KCNMB2: variants seen among roughly 807,000 people sequenced by gnomAD.
The protein encoded by KCNMB2 is potassium calcium-activated channel subfamily M regulatory beta subunit 2.
KCNMB2 carries 9 observed loss-of-function variants against 24.5 expected under a neutral mutation model. The ratio of observed to expected loss-of-function variants is 0.37; its 90% CI spans 0.22 to 0.64. KCNMB2 has a LOEUF of 0.64. Among genes scored for constraint, KCNMB2 ranks in the 30% least tolerant of loss-of-function variants. KCNMB2 has a pLI of 0.63. For missense variants in KCNMB2, 226 were observed against 284.3 expected (o/e 0.79, Z 1.47); for synonymous variants, 109 against 104.4 (o/e 1.04, Z -0.27).
At chr3:178,578,055 C>T (rs112838009) in intron 1 of KCNMB2, among the ~76,000 whole-genome samples, 3,922 of 152,230 alleles carry the variant, frequency 0.026, 169 homozygotes, top group African/African-American at 0.088. Context: ...TTGAGAAGAG[C>T]AACCCCAAGA....
intron 1 of KCNMB2, among the ~76,000 whole-genome samples, chr3:178,754,832 C>A (rs536462402): frequency 1.3e-4 from 20 of 152,316 alleles, no homozygotes; most frequent in Admixed American, 1.2e-3. Context: ...ATGGCATAGA[C>A]CCTGCAGCTT....
At chr3:178,825,391 C>T (rs572036409) in intron 2 of KCNMB2, among the ~76,000 whole-genome samples, 197 bp from the exon 3 acceptor site, 1 of 152,188 alleles carries the variant, frequency 6.6e-6, no homozygotes, top group African/African-American at 2.4e-5. Flanking sequence ...GGTACACATA[C>T]AAGCGTGCAT....
chr3:178,756,419 A>G (rs942559229), intron 1 of KCNMB2, among the ~76,000 whole-genome samples: 2 of 152,192 alleles, frequency 1.3e-5, no homozygotes, highest in Non-Finnish European at 2.9e-5. Flanking sequence ...TCTGTCAACC[A>G]ATCAAAACAA....
intron 1 of KCNMB2, among the ~76,000 whole-genome samples, chr3:178,770,452 T>C (rs1712301287): frequency 1.3e-5 from 2 of 152,314 alleles, no homozygotes; most frequent in South Asian, 2.1e-4. Context: ...GAACAGAAGA[T>C]GAGGACCAAG....
chr3:178,544,330 T>C (rs2108448923), intron 1 of KCNMB2, among the ~76,000 whole-genome samples: 1 of 152,278 alleles, frequency 6.6e-6, no homozygotes, highest in African/African-American at 2.4e-5. Context: ...TCAGAATGTT[T>C]CTCTCTCCCT....
intron 1 of KCNMB2, among the ~76,000 whole-genome samples, chr3:178,602,785 G>A (rs12496935): frequency 0.12 from 17,944 of 152,124 alleles, 1,211 homozygotes; most frequent in Middle Eastern, 0.24. Context: ...CAAAGCCATC[G>A]GGAGGGTAGG....
At chr3:178,716,986 A>G (rs1722638801) in intron 1 of KCNMB2, among the ~76,000 whole-genome samples, 2 of 152,026 alleles carry the variant, frequency 1.3e-5, no homozygotes, top group South Asian at 4.2e-4. Context: ...CCTTTTTGGA[A>G]TAAGTTAAAT....
intron 1 of KCNMB2, among the ~76,000 whole-genome samples, chr3:178,676,337 G>C (rs1279541200): frequency 6.6e-6 from 1 of 152,190 alleles, no homozygotes; most frequent in Non-Finnish European, 1.5e-5. Context: ...ATCCTTGGCA[G>C]ACAGAGAGGT....
intron 4 of KCNMB2, 134 bp from the exon 5 acceptor site, chr3:178,842,519 C>T (rs1057265720): frequency 1.8e-5 from 11 of 615,432 alleles, no homozygotes; most frequent in Non-Finnish European, 3.1e-5. Context: ...TCCAAAGGCA[C>T]CAGTTTGAAT....
chr3:178,780,735 C>T (rs1304592786), intron 1 of KCNMB2, among the ~76,000 whole-genome samples: 1 of 152,156 alleles, frequency 6.6e-6, no homozygotes, highest in Non-Finnish European at 1.5e-5. Flanking sequence ...AATTACTTAA[C>T]CTCCCTAAGC....
intron 1 of KCNMB2, among the ~76,000 whole-genome samples, chr3:178,657,993 A>C (rs915038393): frequency 5.3e-5 from 8 of 152,338 alleles, no homozygotes; most frequent in African/African-American, 1.9e-4. Flanking sequence ...TCAAGTGTCA[A>C]CACAAGTTTT....
At chr3:178,835,008 T>C (rs915600442) in intron 4 of KCNMB2, among the ~76,000 whole-genome samples, 5 of 151,932 alleles carry the variant, frequency 3.3e-5, no homozygotes, top group East Asian at 1.9e-4. Context: ...TTAGGACTAA[T>C]TGGATACATC....
intron 1 of KCNMB2, among the ~76,000 whole-genome samples, chr3:178,625,438 G>A (rs894312863): frequency 6.6e-6 from 1 of 152,212 alleles, no homozygotes; most frequent in African/African-American, 2.4e-5. Context: ...AGGCCCAGCC[G>A]CTTGCCAAGT....
chr3:178,691,621 T>C (rs1173506317), intron 1 of KCNMB2, among the ~76,000 whole-genome samples: 14 of 152,236 alleles, frequency 9.2e-5, no homozygotes, highest in Non-Finnish European at 2.9e-5. Flanking sequence ...TATTCCATAG[T>C]GTGTATGTAC....
intron 1 of KCNMB2, among the ~76,000 whole-genome samples, chr3:178,552,496 A>G (rs918474391): frequency 1.3e-5 from 2 of 152,166 alleles, no homozygotes; most frequent in South Asian, 2.1e-4. Context: ...AATTTCCATA[A>G]CTGTATATCA....
chr3:178,804,445 T>G (rs1486809761), intron 1 of KCNMB2, among the ~76,000 whole-genome samples: 2 of 152,198 alleles, frequency 1.3e-5, no homozygotes, highest in African/African-American at 4.8e-5. Flanking sequence ...AAATAATGGT[T>G]TGTCTTTATG....
chr3:178,764,292 C>T lies in KCNMB2; in HGVS notation c.-67-43051C>T, dbSNP rs758416343. Among the ~76,000 whole-genome samples the T allele has an allele frequency of 7.0e-4, 106 of 152,278 alleles. 1 individual carries two copies. Among genetic ancestry groups the T allele is most frequent in the Non-Finnish European group, 1.4e-3 (95 of 68,008 alleles). On this transcript the variant is annotated intron_variant, in intron 1 of 4. Coordinates refer to ENST00000452583, the MANE Select transcript of KCNMB2 (RefSeq NM_181361.3). ...AAAAGCAGAAATTCTTAATACCATACCATTACAACATATTACATTCATGCA... is the reference window on the plus strand; with the variant it reads ...AAAAGCAGAAATTCTTAATACCATATCATTACAACATATTACATTCATGCA...
At chr3:178,759,232 GAGAT>G (rs1401476750) in intron 1 of KCNMB2, among the ~76,000 whole-genome samples, 2 of 111,614 alleles carry the variant, frequency 1.8e-5, no homozygotes, top group Non-Finnish European at 3.6e-5. Flanking sequence ...TCTCCAAGAG[GAGAT>G]AGATATATAT....
At chr3:178,788,275 T>C (rs769718346) in intron 1 of KCNMB2, among the ~76,000 whole-genome samples, 2 of 152,206 alleles carry the variant, frequency 1.3e-5, no homozygotes, top group East Asian at 1.9e-4. Context: ...ATGTGTAGCA[T>C]AGAAGGAATC....
Sources: gnomAD v4.1 joint callset for allele counts (sites outside exome capture counted in the v4.1 genomes callset) on GRCh38, gnomAD v4.1.1 for gene constraint, MANE v1.5 for transcripts, NCBI Gene and HGNC (gene_info 2026-07-23, HGNC 2026-07-21) for gene names.